ZNF32: variants seen among roughly 807,000 people sequenced by gnomAD.
The protein encoded by ZNF32 is C2H2-546.
A neutral mutation model predicts 24.4 loss-of-function variants in ZNF32; 13 were observed. The ratio of observed to expected loss-of-function variants is 0.53; its 90% CI spans 0.35 to 0.85. The LOEUF is 0.85. Among genes scored for constraint, ZNF32 ranks in the 40% least tolerant of loss-of-function variants. The pLI is 0.01. For missense variants in ZNF32, 239 were observed against 325.3 expected (o/e 0.73, Z 2.04); for synonymous variants, 115 against 117.4 (o/e 0.98, Z 0.13).
intron 2 of ZNF32, 101 bp downstream of exon 2, chr10:43,645,963 C>T: frequency 4.5e-6 from 7 of 1,544,612 alleles, no homozygotes; most frequent in Non-Finnish European, 6.1e-6. Flanking sequence ...TCTACCAAAG[C>T]AAGGTCTCCT....
Position 43,644,631 on chromosome 10 carries a change from C to T in ZNF32, c.241G>A (p.Glu81Lys), listed in dbSNP as rs1306863958. ...TTTTGCCGGAAGGATTTTCCACACTCCTGGCACTCATAGACCCTTTGTCTC... is the reference window on the plus strand; with the variant it reads ...TTTTGCCGGAAGGATTTTCCACACTTCTGGCACTCATAGACCCTTTGTCTC... ...GVRQRVYECQ[E>K]CGKSFRQKGS... Residue 81 changes from glutamate (E) to lysine (K), a missense_variant, in exon 3 of 3, where the codon GAG becomes AAG. Coordinates refer to ENST00000374433, the MANE Select transcript of ZNF32 (RefSeq NM_006973.3). This position sits in a 1 kb window ranked among gnomAD's most constrained non-coding sequence, Gnocchi z 5.3. 7 of 1,614,186 alleles carry T rather than the reference C, an allele frequency of 4.3e-6. No homozygotes were observed. The highest frequency in any genetic ancestry group is 5.1e-6 in the Non-Finnish European group (6 of 1,180,034).
In ZNF32 at chr10:43,644,840, T is replaced by C; in HGVS notation, c.71-39A>G. Reference sequence around the variant, plus strand: ...AGGGAAGTCATATAAGAAGCACCAATAATGCTGAGTTAGAATAGGGAAAAA... The same window carrying C: ...AGGGAAGTCATATAAGAAGCACCAACAATGCTGAGTTAGAATAGGGAAAAA... On this transcript the variant is annotated intron_variant, in intron 2 of 2. Transcript: ENST00000374433. This position sits in a 1 kb window ranked among gnomAD's most constrained non-coding sequence, Gnocchi z 5.3. 6.5e-7 allele frequency: 1 copy of C among 1,544,640 alleles called. No homozygotes were observed. Among genetic ancestry groups the C allele is most frequent in the Non-Finnish European group, 8.7e-7 (1 of 1,150,626 alleles).
chr10:43,646,163 A>G lies in ZNF32; in HGVS notation c.-30T>C. Reference sequence around the variant, plus strand: ...ACTCCTGCTTACGACCTCAGTCACCACCTCTTCATATGATTCTTCCATGGG... The same window carrying G: ...ACTCCTGCTTACGACCTCAGTCACCGCCTCTTCATATGATTCTTCCATGGG... On this transcript the variant is annotated 5_prime_UTR_variant, in exon 2 of 3. Coordinates refer to ENST00000374433, the MANE Select transcript of ZNF32 (RefSeq NM_006973.3). 1 of 1,612,968 alleles carries G rather than the reference A, an allele frequency of 6.2e-7. No homozygotes were observed. Among genetic ancestry groups the G allele is most frequent in the Non-Finnish European group, 8.5e-7 (1 of 1,179,450 alleles).
At chr10:43,648,578 C>A (rs1279004346) in intron 1 of ZNF32, 3 of 152,170 alleles carry the variant, frequency 2.0e-5, no homozygotes, top group Non-Finnish European at 4.4e-5. Context: ...CGCCCTGCGT[C>A]CTGAACCTCG....
In ZNF32 at chr10:43,644,921, A is replaced by T; in HGVS notation, c.71-120T>A. 9 of 1,117,216 alleles carry T rather than the reference A, an allele frequency of 8.1e-6. No individual in the cohort carries two copies. Among genetic ancestry groups the T allele is most frequent in the South Asian group, 1.6e-5 (1 of 61,154 alleles). The allele number at this position is 1,117,216 out of a possible 1,614,324, so 69.2% of individuals were successfully genotyped here. On this transcript the variant is annotated intron_variant, in intron 2 of 2. Transcript: ENST00000374433. The surrounding 1 kb of genome is among the most constrained non-coding windows in gnomAD (Gnocchi z 5.3). ...GCCAGGCCTTATTCTTTGCATAGAC[A>T]ATGCAATCCTGAAAACAATGCCATG... is the stretch of plus-strand genomic sequence containing the variant.
chr10:43,643,901 T>G lies in ZNF32; in HGVS notation c.*149A>C. 2 of 749,178 alleles carry G rather than the reference T, an allele frequency of 2.7e-6. No homozygotes were observed. The highest frequency in any genetic ancestry group is 5.4e-5 in the East Asian group (2 of 36,844). 46.4% of individuals were successfully genotyped at this position (749,178 alleles called of 1,614,324 possible). A position where few individuals can be genotyped will look rare whatever the true frequency, so the allele number is the denominator to read the frequency against. On this transcript the variant is annotated 3_prime_UTR_variant, in exon 3 of 3. Coordinates refer to ENST00000374433, the MANE Select transcript of ZNF32 (RefSeq NM_006973.3). ...AAGACATTTATTTTTCATACTCTTT[T>G]GGGGGAAAGGAAAAAAATCAGTTTG...
chr10:43,644,140 G>A lies in ZNF32; in HGVS notation c.732C>T (p.Pro244=). 6.2e-7 allele frequency: 1 copy of A among 1,614,202 alleles called. No homozygotes were observed. Among genetic ancestry groups the A allele is most frequent in the South Asian group, 1.1e-5 (1 of 91,086 alleles). The change falls in exon 3 of 3, where the codon CCC becomes CCT. Residue 244 remains proline (P), a synonymous_variant. Coordinates refer to ENST00000374433, the MANE Select transcript of ZNF32 (RefSeq NM_006973.3). This position sits in a 1 kb window ranked among gnomAD's most constrained non-coding sequence, Gnocchi z 5.3. The part of the protein sequence containing the change: ...LHGKIHTGET[P]YLCGQCGKSF... ...TTTTTCCACACTGGCCGCACAGATA[G>A]GGTGTCTCTCCTGTGTGGATTTTGC...
At position 43,643,982 on chromosome 10, in the gene ZNF32, T is replaced by C. The variant is rs1213530786; in HGVS notation, c.*68A>G. ...TCTCCATTCATTCCATAGAACTGGA[T>C]AGGTTGCTTCATCTCAGAGGATTTT... is the stretch of plus-strand genomic sequence containing the variant. On this transcript the variant is annotated 3_prime_UTR_variant, in exon 3 of 3. Transcript: ENST00000374433. The C allele has an allele frequency of 2.0e-6, 3 of 1,485,654 alleles. No individual in the cohort carries two copies. The African/African-American group carries it at 4.2e-5, about 21-fold the overall frequency. The allele number at this position is 1,485,654 out of a possible 1,614,324, so 92.0% of individuals were successfully genotyped here.
chr10:43,645,002 T>A (rs1300918028), intron 2 of ZNF32: 3 of 607,450 alleles, frequency 4.9e-6, no homozygotes, highest in African/African-American at 3.7e-5. Context: ...CAGAGCTAGG[T>A]AAGTTAGAGC....
Position 43,643,866 on chromosome 10 carries a change from GATA to G in ZNF32, c.*181_*183del. ...GAAATTATAAAACATACATGATAATGATAATAAACAAGACATTTATTTTTCATA... is the reference window on the plus strand; with the variant it reads ...GAAATTATAAAACATACATGATAATGATAAACAAGACATTTATTTTTCATA... On this transcript the variant is annotated 3_prime_UTR_variant, in exon 3 of 3. Transcript: ENST00000374433. The G allele has an allele frequency of 1.6e-6, 1 of 631,394 alleles. No homozygotes were observed. Among genetic ancestry groups the G allele is most frequent in the Non-Finnish European group, 2.7e-6 (1 of 375,582 alleles). The allele number at this position is 631,394 out of a possible 1,614,324, so 39.1% of individuals were successfully genotyped here. A position where few individuals can be genotyped will look rare whatever the true frequency, so the allele number is the denominator to read the frequency against.
chr10:43,645,987 C>A, intron 2 of ZNF32, 77 bp downstream of exon 2: 1 of 1,585,602 alleles, frequency 6.3e-7, no homozygotes, highest in Non-Finnish European at 8.6e-7. Flanking sequence ...CTTCCTCAGA[C>A]TGCCGACCAG....
Position 43,644,067 on chromosome 10 carries a change from G to A in ZNF32, c.805C>T (p.Gln269Ter). The A allele has an allele frequency of 6.2e-7, 1 of 1,613,442 alleles. No homozygotes were observed. Among genetic ancestry groups the A allele is most frequent in the Non-Finnish European group, 8.5e-7 (1 of 1,179,666 alleles). ...GAAAGTGGTCAAAGGGTGAGCCTCTGTGAGCAGCTTCGCTGGTGCACAGCC... is the reference window on the plus strand; with the variant it reads ...GAAAGTGGTCAAAGGGTGAGCCTCTATGAGCAGCTTCGCTGGTGCACAGCC... ...SLAVHQRSCS[Q>*]RLTL The change falls in exon 3 of 3, where the codon CAG becomes TAG. Residue 269 changes from glutamine (Q) to a stop codon, truncating the protein, a stop_gained. Transcript: ENST00000374433. LOFTEE classifies it high-confidence loss of function. This position sits in a 1 kb window ranked among gnomAD's most constrained non-coding sequence, Gnocchi z 5.3.
In ZNF32 at chr10:43,644,223, A is replaced by G; in HGVS notation, c.649T>C (p.Tyr217His). 1 of 1,614,222 alleles carries G rather than the reference A, an allele frequency of 6.2e-7. No individual in the cohort carries two copies. The highest frequency in any genetic ancestry group is 8.5e-7 in the Non-Finnish European group (1 of 1,180,032). ...CTCTTCCTGCACTGGGTACAGGCAT[A>G]GGGCTTCAGGCCTGTGTGGACTCTG... ...HIRVHTGLKP[Y>H]ACTQCRKSFH... The change falls in exon 3 of 3, where the codon TAT becomes CAT. Residue 217 changes from tyrosine (Y) to histidine (H), a missense_variant. Tyr to His is a moderately conservative substitution (Grantham distance 83). Transcript: ENST00000374433. This position sits in a 1 kb window ranked among gnomAD's most constrained non-coding sequence, Gnocchi z 5.3.
intron 1 of ZNF32, 110 bp from the exon 2 acceptor site, chr10:43,646,312 T>C: frequency 1.5e-6 from 1 of 674,920 alleles, no homozygotes; most frequent in Non-Finnish European, 2.4e-6. Context: ...GAAACCTAGA[T>C]TGTTTGACAT....
At position 43,645,476 on chromosome 10, in the gene ZNF32, CT is replaced by C. The variant is rs750243124; in HGVS notation, c.70+587del. ...ACCCTACAAGATAGAACTTATTGTCCTATTTTACAGACGAACCTGGAGCTTA... is the reference window on the plus strand; with the variant it reads ...ACCCTACAAGATAGAACTTATTGTCCATTTTACAGACGAACCTGGAGCTTA... On this transcript the variant is annotated intron_variant, in intron 2 of 2. Transcript: ENST00000374433. 1.2e-3 allele frequency among the ~76,000 whole-genome samples: 180 copies of C among 152,280 alleles called. 2 individuals are homozygous for C. The highest frequency in any genetic ancestry group is 6.2e-4 in the Non-Finnish European group (42 of 68,018).
intron 1 of ZNF32, chr10:43,647,011 T>C (rs547036102): frequency 1.2e-4 from 19 of 152,324 alleles, no homozygotes; most frequent in East Asian, 1.9e-4. Context: ...TTTGACCAGA[T>C]TGAAGTGCTC....
At position 43,643,878 on chromosome 10, in the gene ZNF32, G is replaced by C; in HGVS notation, c.*172C>G. The C allele has an allele frequency of 1.5e-6, 1 of 649,284 alleles. No homozygotes were observed. The highest frequency in any genetic ancestry group is 2.6e-6 in the Non-Finnish European group (1 of 390,450). 40.2% of individuals were successfully genotyped at this position (649,284 alleles called of 1,614,324 possible). A position where few individuals can be genotyped will look rare whatever the true frequency, so the allele number is the denominator to read the frequency against. ...CATACATGATAATGATAATAAACAA[G>C]ACATTTATTTTTCATACTCTTTTGG... is the stretch of plus-strand genomic sequence containing the variant. On this transcript the variant is annotated 3_prime_UTR_variant, in exon 3 of 3. Transcript: ENST00000374433.
Position 43,644,919 on chromosome 10 carries a change from A to T in ZNF32, c.71-118T>A. The T allele has an allele frequency of 5.3e-6, 6 of 1,136,500 alleles. No individual in the cohort carries two copies. Among genetic ancestry groups the T allele is most frequent in the South Asian group, 1.6e-5 (1 of 61,910 alleles). 70.4% of individuals were successfully genotyped at this position (1,136,500 alleles called of 1,614,324 possible). A position where few individuals can be genotyped will look rare whatever the true frequency, so the allele number is the denominator to read the frequency against. ...GTGCCAGGCCTTATTCTTTGCATAG[A>T]CAATGCAATCCTGAAAACAATGCCA... On this transcript the variant is annotated intron_variant, in intron 2 of 2. Transcript: ENST00000374433. This position sits in a 1 kb window ranked among gnomAD's most constrained non-coding sequence, Gnocchi z 5.3.
chr10:43,645,624 G>T (rs1486147444), intron 2 of ZNF32, among the ~76,000 whole-genome samples: 2 of 152,066 alleles, frequency 1.3e-5, no homozygotes, highest in African/African-American at 4.8e-5. Flanking sequence ...TGGCAAAACT[G>T]AAATCAATTT....
Sources: gnomAD v4.1 joint callset for allele counts (sites outside exome capture counted in the v4.1 genomes callset) on GRCh38, gnomAD v4.1.1 for gene constraint, Gnocchi (gnomAD v3.1) non-coding constraint, MANE v1.5 for transcripts, NCBI Gene and HGNC (gene_info 2026-07-23, HGNC 2026-07-21) for gene names.